C1GALT1: variants seen among roughly 807,000 people sequenced by gnomAD.
The protein encoded by C1GALT1 is core 1 synthase, glycoprotein-N-acetylgalactosamine 3-beta-galactosyltransferase 1.
In C1GALT1, 11 loss-of-function variants were observed where a neutral mutation model predicts 31.0. That is an observed-to-expected ratio of 0.36 (90% CI 0.22 to 0.59). The LOEUF (loss-of-function observed/expected upper bound fraction) is 0.59, where lower values mean the gene tolerates loss of function less well. Ranked by LOEUF, C1GALT1 falls within the 20% of genes least tolerant of loss-of-function variation. C1GALT1 has a pLI of 0.79. For synonymous variants in C1GALT1, 175 were observed against 143.6 expected, an observed-to-expected ratio of 1.22 and a Z score of -1.56; for missense variants, 424 against 425.2, an observed-to-expected ratio of 1.00 and a Z score of 0.03.
chr7:7,207,958 C>A (rs1781825469), intron 1 of C1GALT1, among the ~76,000 whole-genome samples: 1 of 152,100 alleles, frequency 6.6e-6, no homozygotes, highest in African/African-American at 2.4e-5. Context: ...TTATGGTCAA[C>A]AGTGGTCCAA....
At chr7:7,201,478 CTGTT>C (rs949753613) in intron 1 of C1GALT1, among the ~76,000 whole-genome samples, 4 of 152,294 alleles carry the variant, frequency 2.6e-5, no homozygotes, top group African/African-American at 7.2e-5. Flanking sequence ...GGCAGTCTGT[CTGTT>C]CTCAGATCTC....
chr7:7,225,784 T>C (rs943163507), intron 1 of C1GALT1, among the ~76,000 whole-genome samples: 1 of 152,196 alleles, frequency 6.6e-6, no homozygotes, highest in African/African-American at 2.4e-5. Flanking sequence ...CAATATCTTA[T>C]TTGCACCTCA....
At chr7:7,240,513 C>G (rs1291429736) in intron 3 of C1GALT1, among the ~76,000 whole-genome samples, 1 of 151,968 alleles carries the variant, frequency 6.6e-6, no homozygotes, top group Non-Finnish European at 1.5e-5. Context: ...TTCCTTAATT[C>G]TGTATCCTTT....
At chr7:7,177,045 T>A (rs1307731350) in intron 2 of C1GALT1, among the ~76,000 whole-genome samples, 1 of 152,200 alleles carries the variant, frequency 6.6e-6, no homozygotes, top group South Asian at 2.1e-4. Context: ...TCAGGGATCA[T>A]CCACAACAAC....
chr7:7,177,397 G>A (rs1453525955), intron 2 of C1GALT1, among the ~76,000 whole-genome samples: 1 of 152,004 alleles, frequency 6.6e-6, no homozygotes, highest in Non-Finnish European at 1.5e-5. Flanking sequence ...CTTGCTATTG[G>A]GTGCAATTTT....
intron 1 of C1GALT1, among the ~76,000 whole-genome samples, chr7:7,196,926 G>A (rs539687160): frequency 6.6e-6 from 1 of 151,044 alleles, no homozygotes. Context: ...ATTTTTTCTT[G>A]TATATTTGGA....
At chr7:7,169,888 C>G (rs1042609885) in intron 2 of C1GALT1, among the ~76,000 whole-genome samples, 3 of 152,132 alleles carry the variant, frequency 2.0e-5, no homozygotes, top group African/African-American at 7.2e-5. Flanking sequence ...AGAAAGTGTT[C>G]TTTCCTCTTC....
intron 1 of C1GALT1, among the ~76,000 whole-genome samples, chr7:7,219,190 T>C (rs1023100789): frequency 6.6e-6 from 1 of 152,134 alleles, no homozygotes; most frequent in African/African-American, 2.4e-5. Context: ...AGGTAGAAGG[T>C]TTAACATTAC....
chr7:7,159,882 G>C (rs1281081863), intron 2 of C1GALT1, among the ~76,000 whole-genome samples: 1 of 152,096 alleles, frequency 6.6e-6, no homozygotes, highest in Non-Finnish European at 1.5e-5. Flanking sequence ...TGTAATGGAA[G>C]AAAAGGGAAC....
chr7:7,172,328 A>G (rs997659619), intron 2 of C1GALT1, among the ~76,000 whole-genome samples: 2 of 151,976 alleles, frequency 1.3e-5, no homozygotes, highest in African/African-American at 4.8e-5. Flanking sequence ...TTTAATGAGG[A>G]TTCCTTATAT....
intron 1 of C1GALT1, among the ~76,000 whole-genome samples, chr7:7,211,722 A>G (rs73674691): frequency 0.16 from 24,630 of 152,060 alleles, 2,304 homozygotes; most frequent in East Asian, 0.37. Flanking sequence ...GGTTATGGAT[A>G]CCCTACTTAC....
Position 7,238,143 on chromosome 7 carries a change from A to G in C1GALT1, c.221-112A>G. 1 of 1,035,130 alleles carries G rather than the reference A, an allele frequency of 9.7e-7. No individual in the cohort carries two copies. The allele number at this position is 1,035,130 out of a possible 1,614,324, so 64.1% of individuals were successfully genotyped here. A position where few individuals can be genotyped will look rare whatever the true frequency, so the allele number is the denominator to read the frequency against. ...GCTTTCCTTTGGCTAAATCACTAAT[A>G]GAGGGATAAATAGGGACTTTGAAAT... On this transcript the variant is annotated intron_variant, in intron 2 of 3. Transcript: ENST00000436587. The surrounding 1 kb of genome is among the most constrained non-coding windows in gnomAD (Gnocchi z 5.2).
intron 2 of C1GALT1, among the ~76,000 whole-genome samples, chr7:7,165,007 CT>C (rs1780376634): frequency 6.6e-6 from 1 of 152,146 alleles, no homozygotes; most frequent in Non-Finnish European, 1.5e-5. Context: ...TTAACCTTGC[CT>C]GTCAACTTTA....
At chr7:7,182,191 C>T (rs1780610134), upstream of C1GALT1, among the ~76,000 whole-genome samples, 1 of 152,178 alleles carries the variant, frequency 6.6e-6, no homozygotes, top group South Asian at 2.1e-4. Flanking sequence ...GAGCAGGCTA[C>T]AGGCCACAAG....
In C1GALT1 at chr7:7,234,533, C is replaced by A; in HGVS notation, c.214C>A (p.His72Asn). ...QMNFNADSSQ[H>N]KDENTDIAEN... Reference sequence around the variant, plus strand: ...GAACTTCAATGCAGATTCTAGCCAACATAAAGGTATGGTTTACTTTATTAA... The same window carrying A: ...GAACTTCAATGCAGATTCTAGCCAAAATAAAGGTATGGTTTACTTTATTAA... The change falls in exon 2 of 4, where the codon CAT becomes AAT. Residue 72 changes from histidine (H) to asparagine (N), a missense_variant. Transcript: ENST00000436587. The A allele has an allele frequency of 6.2e-7, 1 of 1,605,356 alleles. No individual in the cohort carries two copies. Among genetic ancestry groups the A allele is most frequent in the Non-Finnish European group, 8.5e-7 (1 of 1,172,228 alleles).
At chr7:7,207,183 T>C (rs1486916974) in intron 1 of C1GALT1, among the ~76,000 whole-genome samples, 1 of 152,064 alleles carries the variant, frequency 6.6e-6, no homozygotes, top group Non-Finnish European at 1.5e-5. Context: ...TGTTCTCTCT[T>C]CAAGTTCACT....
intron 2 of C1GALT1, among the ~76,000 whole-genome samples, chr7:7,160,458 G>C (rs986165374): frequency 6.6e-6 from 1 of 152,120 alleles, no homozygotes; most frequent in Admixed American, 6.6e-5. Context: ...AGTTGATGTA[G>C]AACAGGCGGG....
rs965593588 is a variant in C1GALT1 at position 7,244,918 on chromosome 7, C to G, written c.*1191C>G. 2 of 152,140 alleles carry G rather than the reference C, an allele frequency of 1.3e-5. No homozygotes were observed. The highest frequency in any genetic ancestry group is 2.9e-5 in the Non-Finnish European group (2 of 68,010). The allele number at this position is 152,140 out of a possible 1,614,324, so 9.4% of individuals were successfully genotyped here. On this transcript the variant is annotated 3_prime_UTR_variant, in exon 4 of 4. Coordinates refer to ENST00000436587, the MANE Select transcript of C1GALT1 (RefSeq NM_020156.5). ...ATAAATAACAGTCTGAAGGTTGGTG[C>G]TATTTTGGGATAATTGTTTTGCTAA...
At chr7:7,216,122 T>G (rs2128240518) in intron 1 of C1GALT1, among the ~76,000 whole-genome samples, 1 of 152,258 alleles carries the variant, frequency 6.6e-6, no homozygotes, top group Non-Finnish European at 1.5e-5. Context: ...TTGCTTTCTT[T>G]AAAGTTCTGA....
Sources: allele counts gnomAD v4.1 joint callset (sites outside exome capture counted in the v4.1 genomes callset), GRCh38; gene constraint gnomAD v4.1.1; non-coding constraint Gnocchi (gnomAD v3.1); transcripts MANE v1.5; gene names NCBI Gene and HGNC (gene_info 2026-07-23, HGNC 2026-07-21).